GNG2: variants seen among roughly 807,000 people sequenced by gnomAD.
GNG2 encodes the protein G protein subunit gamma 2.
A neutral mutation model predicts 5.5 loss-of-function variants in GNG2; 5 were observed. That is an observed-to-expected ratio of 0.91 (90% CI 0.48 to 1.92). The LOEUF is 1.92. Ranked by LOEUF, GNG2 falls within the 30% of genes most tolerant of loss-of-function variation. GNG2 has a pLI of 0.01. For synonymous variants in GNG2, 28 were observed against 32.0 expected (o/e 0.88, Z 0.42); for missense variants, 55 against 88.4 (o/e 0.62, Z 1.52).
chr14:51,934,217 C>T (rs950964708), intron 2 of GNG2, among the ~76,000 whole-genome samples: 1 of 152,014 alleles, frequency 6.6e-6, no homozygotes, highest in African/African-American at 2.4e-5. Context: ...CAGTAAGCTC[C>T]GTAGATGGAA....
At chr14:51,961,627 A>T (rs73297099) in intron 3 of GNG2, among the ~76,000 whole-genome samples, 2,839 of 152,334 alleles carry the variant, frequency 0.019, 102 homozygotes, top group African/African-American at 0.064. Flanking sequence ...GAGAGAAAAT[A>T]ATCAGGAAAG....
intron 2 of GNG2, among the ~76,000 whole-genome samples, chr14:51,898,243 A>G (rs1200809606): frequency 1.3e-5 from 2 of 152,232 alleles, no homozygotes; most frequent in Non-Finnish European, 2.9e-5. Flanking sequence ...TAAATTATAC[A>G]GGAAATGACA....
intron 2 of GNG2, among the ~76,000 whole-genome samples, chr14:51,887,849 C>T (rs550500568): frequency 6.6e-6 from 1 of 152,266 alleles, no homozygotes. Flanking sequence ...ACACAGTAGT[C>T]ATGCAAATAC....
chr14:51,840,600 AT>A (rs1193456651), intron 2 of GNG2, among the ~76,000 whole-genome samples: 63 of 152,258 alleles, frequency 4.1e-4, no homozygotes, highest in African/African-American at 1.4e-3. Flanking sequence ...TTGTGCCTGG[AT>A]TGTCATTCAT....
At chr14:51,919,537 C>T (rs1886882364) in intron 2 of GNG2, among the ~76,000 whole-genome samples, 1 of 152,172 alleles carries the variant, frequency 6.6e-6, no homozygotes, top group Admixed American at 6.5e-5. Flanking sequence ...AAAAGTAATA[C>T]ATGTATCCCC....
At chr14:51,918,408 A>AT (rs2140219186) in intron 2 of GNG2, 1 of 152,258 alleles carries the variant, frequency 6.6e-6, no homozygotes, top group South Asian at 2.1e-4. Context: ...AAAAAAGCAG[A>AT]TTTTGCAGTT....
intron 2 of GNG2, among the ~76,000 whole-genome samples, chr14:51,851,943 G>T (rs945505398): frequency 6.6e-6 from 1 of 152,198 alleles, no homozygotes; most frequent in East Asian, 1.9e-4. Context: ...TGCACCAAGT[G>T]TGTTGCTGGA....
At chr14:51,894,647 G>T (rs1375312258) in intron 2 of GNG2, among the ~76,000 whole-genome samples, 1 of 151,252 alleles carries the variant, frequency 6.6e-6, no homozygotes, top group East Asian at 1.9e-4. Context: ...TTACATTTCA[G>T]TTTTTTTTTA....
At chr14:51,857,415 G>A (rs1054502248), upstream of GNG2, among the ~76,000 whole-genome samples, 2 of 152,120 alleles carry the variant, frequency 1.3e-5, no homozygotes, top group Non-Finnish European at 2.9e-5. Flanking sequence ...GTGAGAATGT[G>A]GACAGGTGAC....
At chr14:51,826,378 T>C (rs1455386917) in intron 1 of GNG2, 1 of 152,268 alleles carries the variant, frequency 6.6e-6, no homozygotes, top group South Asian at 2.1e-4. Context: ...TTAGGTATTA[T>C]AAGTAATCTA....
chr14:51,922,746 T>A (rs751625474), intron 2 of GNG2, among the ~76,000 whole-genome samples: 7 of 152,198 alleles, frequency 4.6e-5, no homozygotes, highest in Non-Finnish European at 7.3e-5. Flanking sequence ...TGTGGGAGTC[T>A]GTTTAAGACA....
chr14:51,850,907 C>T (rs1019516128), intron 2 of GNG2, among the ~76,000 whole-genome samples: 1 of 152,112 alleles, frequency 6.6e-6, no homozygotes, highest in Non-Finnish European at 1.5e-5. Context: ...GGGGGATCCA[C>T]CCCCATGATC....
chr14:51,935,021 CTTTCTT>C (rs1185579554), intron 2 of GNG2, among the ~76,000 whole-genome samples: 1 of 111,302 alleles, frequency 9.0e-6, no homozygotes, highest in Non-Finnish European at 1.8e-5. Flanking sequence ...AGCCCAGTTT[CTTTCTT>C]TTTTTTTTTT....
At chr14:51,945,518 CA>C (rs35374258) in intron 2 of GNG2, among the ~76,000 whole-genome samples, 52,391 of 151,770 alleles carry the variant, frequency 0.35, 9,526 homozygotes, top group Middle Eastern at 0.42. Flanking sequence ...TGGTGGCTGC[CA>C]GGGGTTGAGG....
intron 2 of GNG2, among the ~76,000 whole-genome samples, chr14:51,899,859 C>G (rs2357249): frequency 0.55 from 83,816 of 151,992 alleles, 23,310 homozygotes; most frequent in East Asian, 0.74. Context: ...TTTCACAGTG[C>G]AATAATATTC....
intron 1 of GNG2, among the ~76,000 whole-genome samples, chr14:51,875,072 A>G (rs755805809): frequency 2.6e-5 from 4 of 152,274 alleles, no homozygotes; most frequent in Non-Finnish European, 5.9e-5. Flanking sequence ...AACTGCATGT[A>G]ACAGTGGCCT....
At chr14:51,827,244 G>A (rs7141727) in intron 1 of GNG2, among the ~76,000 whole-genome samples, 10,865 of 152,280 alleles carry the variant, frequency 0.071, 628 homozygotes, top group East Asian at 0.24. Context: ...ATTCTAACAT[G>A]AAGACAAGTT....
upstream of GNG2, among the ~76,000 whole-genome samples, chr14:51,858,886 A>G (rs1326533405): frequency 3.3e-5 from 5 of 152,182 alleles, no homozygotes; most frequent in Non-Finnish European, 5.9e-5. Flanking sequence ...GTGAGTTGAC[A>G]TCAGGGTCCT....
intron 2 of GNG2, among the ~76,000 whole-genome samples, chr14:51,932,899 G>T (rs576049559): frequency 1.4e-4 from 21 of 152,036 alleles, no homozygotes; most frequent in Non-Finnish European, 2.8e-4. Flanking sequence ...CTGGGGGGTG[G>T]GGTGGGGGCG....
Sources: allele counts gnomAD v4.1 joint callset (sites outside exome capture counted in the v4.1 genomes callset), GRCh38; gene constraint gnomAD v4.1.1; transcripts MANE v1.5; gene names NCBI Gene and HGNC (gene_info 2026-07-23, HGNC 2026-07-21).